The following MEGF6 variants were observed in gnomAD, a reference collection of about 807,000 sequenced individuals.
The protein encoded by MEGF6 is multiple epidermal growth factor-like domains protein 6.
MEGF6 carries 184 observed loss-of-function variants against 207.1 expected under a neutral mutation model. The ratio of observed to expected loss-of-function variants is 0.89; its 90% confidence interval spans 0.79 to 1.00. The LOEUF (loss-of-function observed/expected upper bound fraction) is 1.00. Among genes scored for constraint, MEGF6 ranks in the 50% least tolerant of loss-of-function variants. The pLI is 0.00. For missense variants in MEGF6, 2,282 were observed against 2,202.9 expected (o/e 1.04, Z -0.72); for synonymous variants, 1,038 against 910.0 (o/e 1.14, Z -2.53).
At chr1:3,531,408 C>A (rs1168956941) in intron 4 of MEGF6, 11 of 1,144,684 alleles carry the variant, frequency 9.6e-6, no homozygotes, top group Non-Finnish European at 9.6e-6. Context: ...CCGGGAGCCG[C>A]TCTGGGCCGG....
intron 3 of MEGF6, among the ~76,000 whole-genome samples, chr1:3,586,134 A>G (rs1643891289): frequency 7.0e-6 from 1 of 143,250 alleles, no homozygotes; most frequent in Admixed American, 6.9e-5. Context: ...TGTGGGTGTG[A>G]CACATGTCCT....
intron 4 of MEGF6, among the ~76,000 whole-genome samples, chr1:3,525,765 C>T (rs1366884362): frequency 6.6e-6 from 1 of 152,230 alleles, no homozygotes; most frequent in Non-Finnish European, 1.5e-5. Context: ...GGGGCTGCAC[C>T]CAGGCCCATC....
At chr1:3,493,552 G>T (rs1336808861) in intron 34 of MEGF6, 5 of 631,314 alleles carry the variant, frequency 7.9e-6, no homozygotes, top group Non-Finnish European at 1.3e-5. Flanking sequence ...GGGCCACACG[G>T]CAGGGCCTGG....
chr1:3,570,362 G>A (rs1236601870), intron 4 of MEGF6, among the ~76,000 whole-genome samples: 2 of 152,228 alleles, frequency 1.3e-5, no homozygotes, highest in African/African-American at 4.8e-5. Flanking sequence ...GCTCCCACGG[G>A]GAAGCGGGAC....
At chr1:3,504,365 G>A (rs1001294961) in intron 17 of MEGF6, among the ~76,000 whole-genome samples, 1 of 152,092 alleles carries the variant, frequency 6.6e-6, no homozygotes, top group Non-Finnish European at 1.5e-5. Flanking sequence ...CTCATAAGCC[G>A]ATGACACACT....
At chr1:3,585,964 GTGTGGGTGTGTGGA>G (rs1298384084) in intron 3 of MEGF6, among the ~76,000 whole-genome samples, 3 of 88,302 alleles carry the variant, frequency 3.4e-5, no homozygotes, top group African/African-American at 2.2e-4. Context: ...CATGTCCTGT[GTGTGGGTGTGTGGA>G]CGCATGTCCT....
intron 5 of MEGF6, among the ~76,000 whole-genome samples, chr1:3,522,390 C>T (rs886646468): frequency 7.2e-5 from 11 of 152,136 alleles, no homozygotes; most frequent in South Asian, 4.1e-4. Context: ...AGAGGGGCCC[C>T]GAGGTCCCAG....
At chr1:3,583,981 T>C (rs1334223543) in intron 3 of MEGF6, among the ~76,000 whole-genome samples, 1 of 152,220 alleles carries the variant, frequency 6.6e-6, no homozygotes. Flanking sequence ...CTCTCCCTCA[T>C]TCACAGAATG....
chr1:3,578,851 C>G (rs76613457), intron 4 of MEGF6, among the ~76,000 whole-genome samples: 1 of 137,548 alleles, frequency 7.3e-6, no homozygotes, highest in Admixed American at 7.1e-5. Flanking sequence ...CAGCTCAGAA[C>G]GCTGGGGAGA....
chr1:3,529,313 T>C (rs2101334442), intron 4 of MEGF6, among the ~76,000 whole-genome samples: 1 of 152,248 alleles, frequency 6.6e-6, no homozygotes, highest in Admixed American at 6.5e-5. Context: ...TGGAGGCCCC[T>C]ATGAGTCAGG....
Position 3,488,001 on chromosome 1 carries a change from T to C in MEGF6, c.*2527A>G, listed in dbSNP as rs545658537. 6.6e-6 allele frequency among the ~76,000 whole-genome samples: 1 copy of C among 152,334 alleles called. No homozygotes were observed. Among genetic ancestry groups the C allele is most frequent in the African/African-American group, 2.4e-5 (1 of 41,578 alleles). On this transcript the variant is annotated 3_prime_UTR_variant, in exon 37 of 37. Transcript: ENST00000356575. ...GTTTTTAATTGACAATAATTGTAGATATTCATCGGATACACAGTGATGTTT... is the reference window on the plus strand; with the variant it reads ...GTTTTTAATTGACAATAATTGTAGACATTCATCGGATACACAGTGATGTTT...
At chr1:3,563,001 C>CGAGG (rs1409164087) in intron 4 of MEGF6, among the ~76,000 whole-genome samples, 1 of 152,146 alleles carries the variant, frequency 6.6e-6, no homozygotes, top group Non-Finnish European at 1.5e-5. Context: ...CTCTGCCCAC[C>CGAGG]GAGGCAGCCC....
At chr1:3,602,389 C>A (rs1644174159) in intron 2 of MEGF6, 77 bp downstream of exon 2, 2 of 1,597,916 alleles carry the variant, frequency 1.3e-6, no homozygotes, top group Admixed American at 1.7e-5. Flanking sequence ...CTGGCCTCAG[C>A]TGCCCAGCTC....
chr1:3,540,026 C>T (rs1166467410), intron 4 of MEGF6, among the ~76,000 whole-genome samples: 7 of 152,190 alleles, frequency 4.6e-5, no homozygotes, highest in East Asian at 1.9e-4. Flanking sequence ...TTCAGCCCTC[C>T]GTGTTTATCT....
rs367801630 is a variant in MEGF6, at chr1:3,573,596, C to CCCAGCT, written c.481+6223_481+6228dup. On this transcript the variant is annotated intron_variant, in intron 4 of 36. Transcript: ENST00000356575. The surrounding 1 kb of genome is among the most constrained non-coding windows in gnomAD (Gnocchi z 5.1). Reference sequence around the variant, plus strand: ...GGCAGGGAGCAGGACCAGAGACAGCCCCAGCTCCAGCTCCAGCCAGGGAGT... The same window carrying CCCAGCT: ...GGCAGGGAGCAGGACCAGAGACAGCCCCAGCTCCAGCTCCAGCTCCAGCCAGGGAGT... Among the ~76,000 whole-genome samples the CCCAGCT allele has an allele frequency of 5.5e-4, 83 of 152,238 alleles. No homozygotes were observed. Among genetic ancestry groups the CCCAGCT allele is most frequent in the African/African-American group, 1.9e-3 (78 of 41,542 alleles).
chr1:3,505,283 C>T lies in MEGF6; in HGVS notation c.2113G>A (p.Val705Met), dbSNP rs575713609. The T allele has an allele frequency of 1.1e-4, 171 of 1,612,314 alleles. 2 individuals are homozygous for T. The South Asian group carries it at 1.7e-3, about 16-fold the overall frequency. Reference protein sequence around the residue: ...CWQACTCPVGVACDSVSGECG... With the variant: ...CWQACTCPVGMACDSVSGECG... ...TCGCCGCTCACGGAGTCACAGGCCA[C>T]GCCCACTGGGCAGGTGCATGCCTGC... The change falls in exon 17 of 37, where the codon GTG becomes ATG. Residue 705 changes from valine (V) to methionine (M), a missense_variant. Physicochemically the swap from Val to Met is conservative, Grantham distance 21. Transcript: ENST00000356575.
chr1:3,590,726 C>T (rs1432820695), intron 3 of MEGF6, among the ~76,000 whole-genome samples: 2 of 151,838 alleles, frequency 1.3e-5, no homozygotes, highest in Non-Finnish European at 1.5e-5. Context: ...CTCCCCTGTC[C>T]CTCCCCTGCC....
chr1:3,505,561 AC>A lies in MEGF6; in HGVS notation c.1919-6del, dbSNP rs1280238891. Reference sequence around the variant, plus strand: ...CAAAGGCCCACGGCGGGCAGGCTGCACCCACAGAACCGTTGAGGGGGGCTCC... The same window carrying A: ...CAAAGGCCCACGGCGGGCAGGCTGCACCACAGAACCGTTGAGGGGGGCTCC... On this transcript the variant is annotated splice_region_variant and splice_polypyrimidine_tract_variant and intron_variant, in intron 15 of 36. Coordinates refer to ENST00000356575, the MANE Select transcript of MEGF6 (RefSeq NM_001409.4). 6.4e-7 allele frequency: 1 copy of A among 1,564,254 alleles called. No homozygotes were observed.
intron 3 of MEGF6, among the ~76,000 whole-genome samples, chr1:3,586,143 C>CTG (rs911051615): frequency 2.9e-5 from 4 of 138,174 alleles, no homozygotes; most frequent in African/African-American, 1.1e-4. Context: ...GACACATGTC[C>CTG]TGTGTGTGTG....
Sources: gnomAD v4.1 joint callset for allele counts (sites outside exome capture counted in the v4.1 genomes callset) on GRCh38, gnomAD v4.1.1 for gene constraint, Gnocchi (gnomAD v3.1) non-coding constraint, MANE v1.5 for transcripts, NCBI Gene and HGNC (gene_info 2026-07-23, HGNC 2026-07-21) for gene names.